Variants in TAFA2 observed in about 807,000 individuals in gnomAD.
TAFA2 encodes the protein TAFA chemokine like family member 2.
A neutral mutation model predicts 18.8 loss-of-function variants in TAFA2; 7 were observed. The ratio of observed to expected loss-of-function variants is 0.37; its 90% CI spans 0.21 to 0.70. The LOEUF is 0.70. Among genes scored for constraint, TAFA2 ranks in the 30% least tolerant of loss-of-function variants. TAFA2 has a pLI of 0.53. For synonymous variants in TAFA2, 60 were observed against 54.2 expected, an observed-to-expected ratio of 1.11 and a Z score of -0.47; for missense variants, 122 against 158.1, an observed-to-expected ratio of 0.77 and a Z score of 1.23.
intron 1 of TAFA2, among the ~76,000 whole-genome samples, chr12:62,169,488 A>G (rs928113528): frequency 2.0e-5 from 3 of 152,176 alleles, no homozygotes; most frequent in Non-Finnish European, 4.4e-5. Flanking sequence ...GTAAGTGTTT[A>G]TTGGTTATAA....
At chr12:61,839,117 C>A (rs1234592229) in intron 2 of TAFA2, among the ~76,000 whole-genome samples, 3 of 152,032 alleles carry the variant, frequency 2.0e-5, no homozygotes, top group African/African-American at 7.2e-5. Flanking sequence ...CTAAAGCAGA[C>A]AATTTTTTGT....
intron 2 of TAFA2, among the ~76,000 whole-genome samples, chr12:61,864,772 CAAAAAAAAAA>C (rs34286549): frequency 1.7e-3 from 136 of 78,386 alleles, no homozygotes; most frequent in Non-Finnish European, 2.5e-3. Flanking sequence ...GACTCCGTCT[CAAAAAAAAAA>C]AAAAAAAAAA....
intron 1 of TAFA2, among the ~76,000 whole-genome samples, chr12:62,015,873 G>T (rs1880920758): frequency 6.6e-6 from 1 of 152,168 alleles, no homozygotes; most frequent in African/African-American, 2.4e-5. Flanking sequence ...TAGAATGGTG[G>T]TTGCCAGGGG....
intron 1 of TAFA2, among the ~76,000 whole-genome samples, chr12:62,072,033 T>C (rs1592318273): frequency 2.0e-5 from 3 of 152,204 alleles, no homozygotes; most frequent in African/African-American, 7.2e-5. Context: ...CAGGTACTAT[T>C]TTTTCACACT....
At chr12:62,014,815 A>G (rs1448790342) in intron 1 of TAFA2, among the ~76,000 whole-genome samples, 1 of 151,976 alleles carries the variant, frequency 6.6e-6, no homozygotes, top group African/African-American at 2.4e-5. Flanking sequence ...CTTATGACCA[A>G]CCAGATTTGG....
chr12:62,245,864 G>GT (rs1019321293), intron 1 of TAFA2, among the ~76,000 whole-genome samples: 2 of 149,340 alleles, frequency 1.3e-5, no homozygotes, highest in African/African-American at 4.9e-5. Context: ...TTATTCTGTT[G>GT]TACTTTTTTC....
intron 1 of TAFA2, among the ~76,000 whole-genome samples, chr12:62,164,950 A>G (rs1029124341): frequency 6.6e-6 from 1 of 152,120 alleles, no homozygotes; most frequent in Admixed American, 6.6e-5. Context: ...TGAAACCCAG[A>G]GAAATTAAAT....
intron 1 of TAFA2, among the ~76,000 whole-genome samples, chr12:61,924,037 GA>G (rs34163308): frequency 9.6e-5 from 14 of 145,114 alleles, no homozygotes; most frequent in South Asian, 2.2e-4. Flanking sequence ...AGATTAGAGA[GA>G]AAAAAAAAAG....
At position 62,147,342 on chromosome 12, in the gene TAFA2, ATATATAT is replaced by A. The variant is rs1565760187; in HGVS notation, c.-2+43910_-2+43916del. Among the ~76,000 whole-genome samples, 6 of 76,682 alleles carry A rather than the reference ATATATAT, an allele frequency of 7.8e-5. No homozygotes were observed. In the East Asian group the frequency reaches 4.2e-3, roughly 53 times the overall value. 50.3% of individuals were successfully genotyped at this position (76,682 alleles called of 152,430 possible). A position where few individuals can be genotyped will look rare whatever the true frequency, so the allele number is the denominator to read the frequency against. On this transcript the variant is annotated intron_variant, in intron 1 of 4. Transcript: ENST00000416284. Reference sequence around the variant, plus strand: ...TGTATGTATGTATATATATATATATATATATATATATATATATATATATATATAGCAA... The same window carrying A: ...TGTATGTATGTATATATATATATATAATATATATATATATATATATAGCAA...
chr12:61,832,806 T>A (rs1872767426), intron 2 of TAFA2, among the ~76,000 whole-genome samples: 1 of 151,858 alleles, frequency 6.6e-6, no homozygotes, highest in Admixed American at 6.6e-5. Flanking sequence ...ATTGGATTTC[T>A]CATTTCCTCT....
intron 1 of TAFA2, among the ~76,000 whole-genome samples, chr12:61,919,162 C>T (rs1876945017): frequency 1.3e-5 from 2 of 152,154 alleles, no homozygotes; most frequent in Admixed American, 1.3e-4. Context: ...ACAACCTTTC[C>T]TTCTTGGCCT....
intron 2 of TAFA2, among the ~76,000 whole-genome samples, chr12:61,838,845 C>T (rs1873047761): frequency 6.6e-6 from 1 of 151,944 alleles, no homozygotes; most frequent in Admixed American, 6.6e-5. Flanking sequence ...CAATAATTTT[C>T]AAATAATTTT....
intron 2 of TAFA2, among the ~76,000 whole-genome samples, chr12:61,777,048 T>C (rs1870293143): frequency 6.6e-6 from 1 of 151,854 alleles, no homozygotes; most frequent in African/African-American, 2.4e-5. Flanking sequence ...AGATCCCTGG[T>C]GTTAGTTTGT....
upstream of TAFA2, among the ~76,000 whole-genome samples, chr12:62,193,419 T>C (rs1297346466): frequency 1.3e-5 from 2 of 152,200 alleles, no homozygotes; most frequent in Non-Finnish European, 2.9e-5. Flanking sequence ...TGTGCTTTTA[T>C]ATAGCTGTGA....
At chr12:62,194,078 T>C (rs2062638319), upstream of TAFA2, among the ~76,000 whole-genome samples, 1 of 152,198 alleles carries the variant, frequency 6.6e-6, no homozygotes, top group South Asian at 2.1e-4. Flanking sequence ...ATTTATGCCA[T>C]GTGATTAAAT....
intron 1 of TAFA2, among the ~76,000 whole-genome samples, chr12:62,221,192 A>AGGAGGGAGGGAAGGAAGGAAGGGG (rs2062759539): frequency 2.0e-5 from 2 of 98,604 alleles, no homozygotes; most frequent in Non-Finnish European, 4.4e-5. Flanking sequence ...GGAGGGGAGA[A>AGGAGGGAGGGAAGGAAGGAAGGGG]GGAAGGAGGG....
intron 1 of TAFA2, among the ~76,000 whole-genome samples, chr12:62,144,496 G>T (rs957334909): frequency 6.6e-6 from 1 of 152,082 alleles, no homozygotes; most frequent in African/African-American, 2.4e-5. Context: ...TATATTTGTG[G>T]AAAAAAATTT....
At chr12:61,712,175 A>C (rs1869441704) in intron 4 of TAFA2, among the ~76,000 whole-genome samples, 1 of 152,108 alleles carries the variant, frequency 6.6e-6, no homozygotes, top group Non-Finnish European at 1.5e-5. Context: ...CATGGCGGAA[A>C]TGAACTGCAT....
intron 1 of TAFA2, among the ~76,000 whole-genome samples, chr12:62,087,090 T>C (rs1868485774): frequency 6.6e-6 from 1 of 152,042 alleles, no homozygotes; most frequent in Non-Finnish European, 1.5e-5. Context: ...AGTAGTCAAA[T>C]TTGTTCATAG....
Sources: gnomAD v4.1 joint callset for allele counts (sites outside exome capture counted in the v4.1 genomes callset) on GRCh38, gnomAD v4.1.1 for gene constraint, MANE v1.5 for transcripts, NCBI Gene and HGNC (gene_info 2026-07-23, HGNC 2026-07-21) for gene names.